Variants in TSPEAR observed in about 807,000 individuals in gnomAD.
The protein encoded by TSPEAR is thrombospondin type laminin G domain and EAR repeats.
A neutral mutation model predicts 71.6 loss-of-function variants in TSPEAR; 69 were observed. The ratio of observed to expected loss-of-function variants is 0.96; its 90% CI spans 0.79 to 1.18. The LOEUF (loss-of-function observed/expected upper bound fraction) is 1.18, where lower values mean the gene tolerates loss of function less well. TSPEAR is among the 50% of genes most tolerant of loss of function. The probability of loss-of-function intolerance (pLI) is 0.00; values close to 1 mark genes in which losing one functional copy is unlikely to be tolerated. For synonymous variants in TSPEAR, 402 were observed against 387.2 expected (o/e 1.04, Z -0.45); for missense variants, 971 against 894.9 (o/e 1.09, Z -1.09).
In TSPEAR at chr21:44,681,758, A is replaced by C; in HGVS notation, c.82+29675T>G. 8 of 1,514,514 alleles carry C rather than the reference A, an allele frequency of 5.3e-6. No homozygotes were observed. The South Asian group carries it at 1.0e-4, about 20-fold the overall frequency. 93.8% of individuals were successfully genotyped at this position (1,514,514 alleles called of 1,614,324 possible). On this transcript the variant is annotated intron_variant, in intron 1 of 11. Transcript: ENST00000323084. ...TCACCTGCACCATGTGCAGAAGACC[A>C]ACTGAGGACTCATCCAGGGAGTGTA... is the stretch of plus-strand genomic sequence containing the variant.
At chr21:44,676,646 T>C in intron 1 of TSPEAR, 1 of 767,984 alleles carries the variant, frequency 1.3e-6, no homozygotes, top group Non-Finnish European at 2.4e-6. Flanking sequence ...TCTTGAACCC[T>C]AAGGACATCT....
intron 1 of TSPEAR, among the ~76,000 whole-genome samples, chr21:44,634,065 T>C (rs1307387848): frequency 6.6e-6 from 1 of 152,056 alleles, no homozygotes; most frequent in Non-Finnish European, 1.5e-5. Flanking sequence ...GGTAACAGAG[T>C]AAGACCCTGG....
At chr21:44,654,466 C>A (rs782466941) in intron 1 of TSPEAR, 6 of 1,613,872 alleles carry the variant, frequency 3.7e-6, no homozygotes, top group Non-Finnish European at 2.5e-6. Flanking sequence ...GGATACCCCA[C>A]ACAGGGGCCG....
intron 1 of TSPEAR, among the ~76,000 whole-genome samples, chr21:44,640,602 G>A (rs1287536884): frequency 3.9e-5 from 6 of 152,208 alleles, no homozygotes; most frequent in Non-Finnish European, 7.3e-5. Flanking sequence ...ATGGCCACTG[G>A]CCAATGCCTC....
chr21:44,517,291 G>A (rs2052604782), intron 9 of TSPEAR: 1 of 157,494 alleles, frequency 6.3e-6, no homozygotes, highest in Non-Finnish European at 1.4e-5. Flanking sequence ...GAGTACCTGG[G>A]CTTGCCAGTG....
intron 9 of TSPEAR, chr21:44,510,715 G>A (rs1373742248): frequency 6.6e-6 from 1 of 152,308 alleles, no homozygotes; most frequent in Non-Finnish European, 1.5e-5. Flanking sequence ...CTGCAGGGGA[G>A]GGCGCCACAG....
intron 1 of TSPEAR, among the ~76,000 whole-genome samples, chr21:44,646,037 A>G (rs587655764): frequency 7.3e-6 from 1 of 137,894 alleles, no homozygotes; most frequent in South Asian, 2.5e-4. Flanking sequence ...AGGTGGGAGA[A>G]TCGCTTGAAC....
intron 1 of TSPEAR, chr21:44,579,687 C>T: frequency 6.5e-7 from 1 of 1,550,192 alleles, no homozygotes; most frequent in East Asian, 2.2e-5. Flanking sequence ...GGGGCAACCT[C>T]CTAACCCGAG....
chr21:44,558,122 G>A, intron 2 of TSPEAR: 1 of 1,612,960 alleles, frequency 6.2e-7, no homozygotes, highest in Non-Finnish European at 8.5e-7. Flanking sequence ...TGGGGCGGCA[G>A]AGGAGGGACA....
intron 1 of TSPEAR, among the ~76,000 whole-genome samples, chr21:44,644,713 A>T (rs953749930): frequency 2.0e-5 from 3 of 152,242 alleles, no homozygotes; most frequent in East Asian, 1.9e-4. Flanking sequence ...GTGAATGGAT[A>T]ACATATTTCA....
intron 2 of TSPEAR, among the ~76,000 whole-genome samples, chr21:44,538,428 C>CG (rs2053132384): frequency 7.9e-6 from 1 of 126,342 alleles, no homozygotes; most frequent in African/African-American, 3.5e-5. Flanking sequence ...TGCTGCCCCC[C>CG]CCCCCCCCAA....
chr21:44,648,536 A>T (rs1361292905), intron 1 of TSPEAR, among the ~76,000 whole-genome samples: 1 of 152,202 alleles, frequency 6.6e-6, no homozygotes, highest in Non-Finnish European at 1.5e-5. Context: ...GCCTTCATGG[A>T]CCTTTCATAG....
chr21:44,527,664 C>T (rs2052885343), intron 6 of TSPEAR, 146 bp from the exon 7 acceptor site: 12 of 760,602 alleles, frequency 1.6e-5, no homozygotes, highest in Non-Finnish European at 2.2e-5. Context: ...ACGTTTCGCT[C>T]TCACAGGAAA....
rs1303980785 is a variant in TSPEAR at position 44,499,197 on chromosome 21, C to G, written c.*586G>C. The G allele has an allele frequency of 2.6e-5, 4 of 152,288 alleles. No homozygotes were observed. Among genetic ancestry groups the G allele is most frequent in the Non-Finnish European group, 5.9e-5 (4 of 68,104 alleles). 9.4% of individuals were successfully genotyped at this position (152,288 alleles called of 1,614,324 possible). A position where few individuals can be genotyped will look rare whatever the true frequency, so the allele number is the denominator to read the frequency against. ...TCGCGCTAGTGCATTTACGGGTAAA[C>G]TGAGGCTGGGAGGGAAGCCTCTCTC... On this transcript the variant is annotated 3_prime_UTR_variant, in exon 12 of 12. Transcript: ENST00000323084.
chr21:44,579,877 G>A lies in TSPEAR; in HGVS notation c.83-11872C>T, dbSNP rs782156571. The A allele has an allele frequency of 1.0e-4, 165 of 1,598,250 alleles. No homozygotes were observed. The Admixed American group carries it at 1.1e-3, about 10-fold the overall frequency. ...GGGCACAGCAGGAGGAGATGGGCAG[G>A]CAGCAGGCGGGCCTGCATATGGGGC... On this transcript the variant is annotated intron_variant, in intron 1 of 11. Transcript: ENST00000323084.
Position 44,687,471 on chromosome 21 carries a change from C to G in TSPEAR, c.82+23962G>C, listed in dbSNP as rs545623536. Among the ~76,000 whole-genome samples, 2 of 152,234 alleles carry G rather than the reference C, an allele frequency of 1.3e-5. No individual in the cohort carries two copies. Among genetic ancestry groups the G allele is most frequent in the African/African-American group, 4.8e-5 (2 of 41,464 alleles). On this transcript the variant is annotated intron_variant, in intron 1 of 11. Coordinates refer to ENST00000323084, the MANE Select transcript of TSPEAR (RefSeq NM_144991.3). The surrounding 1 kb of genome is among the most constrained non-coding windows in gnomAD (Gnocchi z 4.4). ...CCAGCACTGAGGGCGGCATTGCTTA[C>G]GCACACGGCAACAGGAACGCATCGC...
At chr21:44,565,640 GA>G (rs1272278578) in intron 2 of TSPEAR, among the ~76,000 whole-genome samples, 1 of 152,096 alleles carries the variant, frequency 6.6e-6, no homozygotes, top group African/African-American at 2.4e-5. Flanking sequence ...AATAGATGCA[GA>G]AAAAGCAGTT....
At chr21:44,605,319 G>C (rs1489178622) in intron 1 of TSPEAR, among the ~76,000 whole-genome samples, 1 of 152,064 alleles carries the variant, frequency 6.6e-6, no homozygotes, top group African/African-American at 2.4e-5. Context: ...CAAATAAATG[G>C]AACAATGTCC....
At chr21:44,600,254 T>C (rs1980696441) in intron 1 of TSPEAR, among the ~76,000 whole-genome samples, 1 of 152,024 alleles carries the variant, frequency 6.6e-6, no homozygotes, top group Non-Finnish European at 1.5e-5. Flanking sequence ...TTAGGATGGA[T>C]GGATCTCTCC....
Sources: allele counts gnomAD v4.1 joint callset (sites outside exome capture counted in the v4.1 genomes callset), GRCh38; gene constraint gnomAD v4.1.1; non-coding constraint Gnocchi (gnomAD v3.1); transcripts MANE v1.5; gene names NCBI Gene and HGNC (gene_info 2026-07-23, HGNC 2026-07-21).